NR3C2: variants seen among roughly 807,000 people sequenced by gnomAD.
The protein encoded by NR3C2 is nuclear receptor subfamily 3 group C member 2.
NR3C2 carries 15 observed loss-of-function variants against 86.4 expected under a neutral mutation model. The ratio of observed to expected loss-of-function variants is 0.17; its 90% CI spans 0.12 to 0.27. NR3C2 has a LOEUF of 0.27. NR3C2 is among the 10% of genes least tolerant of loss of function. NR3C2 has a pLI of 1.00. For synonymous variants in NR3C2, 458 were observed against 450.5 expected, an observed-to-expected ratio of 1.02 and a Z score of -0.21; for missense variants, 960 against 1,195.6, an observed-to-expected ratio of 0.80 and a Z score of 2.91.
In NR3C2 at chr4:148,326,861, C is replaced by T. The variant is rs560240245; in HGVS notation, c.1758-66744G>A. On this transcript the variant is annotated intron_variant, in intron 2 of 8. Transcript: ENST00000358102. ...TCACAGCTAAATATTTTTATTTTTT[C>T]CCAAAAAATTAATCTGCTGTGTAAA... 9.0e-4 allele frequency among the ~76,000 whole-genome samples: 137 copies of T among 151,972 alleles called. 2 individuals are homozygous for T. Among genetic ancestry groups the T allele is most frequent in the South Asian group, 4.8e-3 (23 of 4,810 alleles).
intron 2 of NR3C2, among the ~76,000 whole-genome samples, chr4:148,334,489 C>T (rs572771962): frequency 5.3e-5 from 8 of 152,118 alleles, no homozygotes; most frequent in East Asian, 1.9e-4. Context: ...TTGCAGTGAG[C>T]GGAGATCGCG....
intron 3 of NR3C2, among the ~76,000 whole-genome samples, chr4:148,214,683 G>A (rs1285549544): frequency 3.9e-5 from 6 of 152,150 alleles, no homozygotes; most frequent in Admixed American, 3.9e-4. Flanking sequence ...GCAGGAGCCT[G>A]CACGCCCTGG....
chr4:148,139,123 A>G (rs1472737148), intron 6 of NR3C2, among the ~76,000 whole-genome samples: 1 of 152,192 alleles, frequency 6.6e-6, no homozygotes, highest in Non-Finnish European at 1.5e-5. Context: ...TGGACAAATG[A>G]TGATTGGTTA....
At chr4:148,124,501 C>T (rs1323630800) in intron 6 of NR3C2, among the ~76,000 whole-genome samples, 1 of 152,078 alleles carries the variant, frequency 6.6e-6, no homozygotes, top group East Asian at 1.9e-4. Flanking sequence ...TCTTTGGTAG[C>T]TTTAAAATTT....
At chr4:148,241,183 G>A (rs575265986) in intron 3 of NR3C2, among the ~76,000 whole-genome samples, 4 of 151,508 alleles carry the variant, frequency 2.6e-5, no homozygotes, top group Admixed American at 1.3e-4. Flanking sequence ...GCGCACACCT[G>A]TAGTCCCAGC....
intron 2 of NR3C2, among the ~76,000 whole-genome samples, chr4:148,410,538 A>G (rs61758262): frequency 2.6e-4 from 40 of 152,324 alleles, no homozygotes; most frequent in Non-Finnish European, 5.0e-4. Context: ...ACTACATCCT[A>G]GTTTAACTGC....
intron 4 of NR3C2, among the ~76,000 whole-genome samples, chr4:148,183,832 C>T (rs1025225281): frequency 2.0e-5 from 3 of 152,160 alleles, no homozygotes; most frequent in Non-Finnish European, 4.4e-5. Flanking sequence ...AAAAACAATT[C>T]CTCCTCTGAT....
chr4:148,442,682 T>C (rs1473351529), upstream of NR3C2: 4 of 985,358 alleles, frequency 4.1e-6, no homozygotes, highest in Non-Finnish European at 4.8e-6. Context: ...ACATGACTGA[T>C]ACAAAGTTGC....
chr4:148,319,166 T>A (rs1198345270), intron 2 of NR3C2, among the ~76,000 whole-genome samples: 2 of 151,732 alleles, frequency 1.3e-5, no homozygotes, highest in African/African-American at 4.8e-5. Context: ...TTCTCAGGTT[T>A]GTCAAAGATC....
chr4:148,288,435 CTCT>C (rs1281231511), intron 2 of NR3C2, among the ~76,000 whole-genome samples: 1 of 152,204 alleles, frequency 6.6e-6, no homozygotes, highest in African/African-American at 2.4e-5. Context: ...CACATAATGC[CTCT>C]ACTCTCATGG....
chr4:148,321,932 T>C (rs1743621262), intron 2 of NR3C2, among the ~76,000 whole-genome samples: 2 of 152,350 alleles, frequency 1.3e-5, no homozygotes, highest in Admixed American at 1.3e-4. Flanking sequence ...TGATGTTAGC[T>C]GGTTATTTTG....
chr4:148,426,555 T>C (rs1244869903), intron 2 of NR3C2, among the ~76,000 whole-genome samples: 4 of 152,198 alleles, frequency 2.6e-5, no homozygotes, highest in Admixed American at 6.5e-5. Flanking sequence ...ACCTGATTCT[T>C]CCCTTTGGCA....
chr4:148,362,170 A>G (rs963488257), intron 2 of NR3C2, among the ~76,000 whole-genome samples: 1 of 152,210 alleles, frequency 6.6e-6, no homozygotes, highest in African/African-American at 2.4e-5. Flanking sequence ...TTCCTGGAAA[A>G]TTCAAGACAT....
chr4:148,437,053 G>T (rs1167674779), intron 1 of NR3C2, among the ~76,000 whole-genome samples, 191 bp from the exon 2 acceptor site: 1 of 152,164 alleles, frequency 6.6e-6, no homozygotes, highest in African/African-American at 2.4e-5. Flanking sequence ...TTGTCGAGAT[G>T]TCAGAACAAG....
chr4:148,090,293 C>G (rs1011538144), intron 8 of NR3C2, among the ~76,000 whole-genome samples: 1 of 152,160 alleles, frequency 6.6e-6, no homozygotes, highest in African/African-American at 2.4e-5. Context: ...TTCAGAGGGG[C>G]TCTCAGGAAA....
chr4:148,160,291 AT>A (rs1734597784), intron 4 of NR3C2, among the ~76,000 whole-genome samples: 1 of 152,090 alleles, frequency 6.6e-6, no homozygotes, highest in African/African-American at 2.4e-5. Context: ...GGCAGAGCAC[AT>A]CTTGGTGGGA....
At chr4:148,117,866 G>C (rs181901956) in intron 7 of NR3C2, among the ~76,000 whole-genome samples, 133 of 152,172 alleles carry the variant, frequency 8.7e-4, no homozygotes, top group Non-Finnish European at 1.5e-3. Flanking sequence ...CTGTTTCAGG[G>C]GCCCATGGCA....
chr4:148,402,679 T>C (rs1748227842), intron 2 of NR3C2, among the ~76,000 whole-genome samples: 1 of 152,222 alleles, frequency 6.6e-6, no homozygotes. Flanking sequence ...TTCATTTCAA[T>C]ATCCCTAGTA....
At chr4:148,150,107 C>T (rs1040246442) in intron 6 of NR3C2, among the ~76,000 whole-genome samples, 23 of 152,214 alleles carry the variant, frequency 1.5e-4, no homozygotes, top group Admixed American at 2.6e-4. Flanking sequence ...TTCAGTGCAA[C>T]GTTATTCATA....
Sources: gnomAD v4.1 joint callset for allele counts (sites outside exome capture counted in the v4.1 genomes callset) on GRCh38, gnomAD v4.1.1 for gene constraint, MANE v1.5 for transcripts, NCBI Gene and HGNC (gene_info 2026-07-23, HGNC 2026-07-21) for gene names.